The following SND1 variants were observed in gnomAD, a reference collection of about 807,000 sequenced individuals.
SND1 encodes staphylococcal nuclease and tudor domain containing 1.
A neutral mutation model predicts 121.7 loss-of-function variants in SND1; 38 were observed. That is an observed-to-expected ratio of 0.31 (90% CI 0.24 to 0.41). The LOEUF is 0.41. SND1 is among the 10% of genes least tolerant of loss of function. The probability of loss-of-function intolerance (pLI) is 1.00; values close to 1 mark genes in which losing one functional copy is unlikely to be tolerated. For synonymous variants in SND1, 401 were observed against 447.4 expected, an observed-to-expected ratio of 0.90 and a Z score of 1.31; for missense variants, 868 against 1,184.6, an observed-to-expected ratio of 0.73 and a Z score of 3.92.
At chr7:127,780,343 C>T (rs150298806) in intron 10 of SND1, among the ~76,000 whole-genome samples, 83 of 152,302 alleles carry the variant, frequency 5.4e-4, no homozygotes, top group African/African-American at 1.9e-3. Flanking sequence ...TAAGTGGGAT[C>T]TTCTTTGGAG....
chr7:127,855,755 A>T (rs1799262778), intron 12 of SND1, among the ~76,000 whole-genome samples: 1 of 152,088 alleles, frequency 6.6e-6, no homozygotes, highest in African/African-American at 2.4e-5. Context: ...TCTCTCTCAC[A>T]TGTCCAGCTA....
chr7:128,009,712 T>C (rs958888191), intron 16 of SND1, among the ~76,000 whole-genome samples: 1 of 152,204 alleles, frequency 6.6e-6, no homozygotes, highest in African/African-American at 2.4e-5. Flanking sequence ...TAGGTTTGCA[T>C]TGTGTTCTTC....
At chr7:127,902,601 A>G (rs1800255726) in intron 13 of SND1, among the ~76,000 whole-genome samples, 1 of 152,228 alleles carries the variant, frequency 6.6e-6, no homozygotes, top group South Asian at 2.1e-4. Context: ...GCAAATCCCA[A>G]AGGGTGAGTG....
At chr7:127,928,538 G>A (rs1245189701) in intron 14 of SND1, among the ~76,000 whole-genome samples, 1 of 149,730 alleles carries the variant, frequency 6.7e-6, no homozygotes, top group Non-Finnish European at 1.5e-5. Context: ...AATATTAAAG[G>A]TTAAATGGAA....
chr7:127,714,015 G>C (rs1255069417), intron 9 of SND1, among the ~76,000 whole-genome samples: 1 of 151,866 alleles, frequency 6.6e-6, no homozygotes, highest in Non-Finnish European at 1.5e-5. Context: ...ACGTGGCTTG[G>C]CTTCCCTGTT....
In SND1 at chr7:127,930,090, G is replaced by A. The variant is rs537903682; in HGVS notation, c.1669+761G>A. ...TTCCAGTTGGTACTTCACAGAGACT[G>A]CAGTCTTTGAGGGAAAGCTGTCATT... On this transcript the variant is annotated intron_variant, in intron 15 of 23. Transcript: ENST00000354725. 6.6e-5 allele frequency among the ~76,000 whole-genome samples: 10 copies of A among 152,290 alleles called. No homozygotes were observed. In the South Asian group the frequency reaches 8.3e-4, roughly 13 times the overall value.
At chr7:127,751,444 TG>T (rs1428154918) in intron 10 of SND1, among the ~76,000 whole-genome samples, 5 of 152,204 alleles carry the variant, frequency 3.3e-5, no homozygotes, top group Admixed American at 3.3e-4. Flanking sequence ...CTTTTCTGCC[TG>T]TGCATTGCCC....
At chr7:127,889,669 C>T (rs1452780413) in intron 13 of SND1, among the ~76,000 whole-genome samples, 5 of 151,944 alleles carry the variant, frequency 3.3e-5, no homozygotes, top group Non-Finnish European at 7.4e-5. Context: ...CTCTCCTCCA[C>T]CTTCTCACTA....
intron 10 of SND1, among the ~76,000 whole-genome samples, chr7:127,759,570 T>C (rs890727552): frequency 5.3e-5 from 8 of 152,270 alleles, no homozygotes; most frequent in African/African-American, 1.9e-4. Context: ...TAGTAGAAAA[T>C]GGTATCTAAA....
Position 127,783,059 on chromosome 7 carries a change from G to A in SND1, c.1153-24425G>A, listed in dbSNP as rs186990248. Among the ~76,000 whole-genome samples, 182 of 152,286 alleles carry A rather than the reference G, an allele frequency of 1.2e-3. 1 individual carries two copies. The highest frequency in any genetic ancestry group is 4.3e-3 in the African/African-American group (178 of 41,542). On this transcript the variant is annotated intron_variant, in intron 10 of 23. Transcript: ENST00000354725. ...GTAAGATTCTGCACATTGGAAATTG[G>A]GGACAGATATCAATTCTGGATATAT... is the stretch of plus-strand genomic sequence containing the variant.
At chr7:127,766,771 C>CAAAAAAAAAAAAAAAAAAAA (rs59243807) in intron 10 of SND1, among the ~76,000 whole-genome samples, 2 of 33,202 alleles carry the variant, frequency 6.0e-5, no homozygotes, top group Non-Finnish European at 1.2e-4. Context: ...GACTTTGTCT[C>CAAAAAAAAAAAAAAAAAAAA]AAAAAAAAAA....
intron 10 of SND1, among the ~76,000 whole-genome samples, chr7:127,784,621 T>G (rs1014755702): frequency 1.3e-5 from 2 of 152,208 alleles, no homozygotes; most frequent in Non-Finnish European, 2.9e-5. Context: ...ACCACATTGT[T>G]CTCCCTTTTT....
intron 12 of SND1, among the ~76,000 whole-genome samples, chr7:127,865,185 A>C (rs1199053097): frequency 1.3e-5 from 2 of 151,654 alleles, no homozygotes; most frequent in African/African-American, 4.9e-5. Flanking sequence ...TATCCCTCTG[A>C]GAGCATCTAC....
intron 11 of SND1, among the ~76,000 whole-genome samples, chr7:127,843,942 G>A (rs994802494): frequency 2.6e-5 from 4 of 152,188 alleles, no homozygotes; most frequent in Non-Finnish European, 5.9e-5. Flanking sequence ...ACGAGCAGTG[G>A]TATCTCATTG....
chr7:127,921,683 T>C (rs1466063971), intron 14 of SND1, among the ~76,000 whole-genome samples: 1 of 152,194 alleles, frequency 6.6e-6, no homozygotes, highest in East Asian at 1.9e-4. Flanking sequence ...ATCATCACCA[T>C]AGTCAAGATA....
chr7:127,836,007 G>A (rs576792034), intron 11 of SND1, among the ~76,000 whole-genome samples: 8 of 152,044 alleles, frequency 5.3e-5, no homozygotes, highest in African/African-American at 1.9e-4. Flanking sequence ...TGTGGATCTC[G>A]AGTTTGTGTA....
chr7:127,732,147 TTTTG>T (rs1366896019), intron 10 of SND1, among the ~76,000 whole-genome samples: 1 of 152,128 alleles, frequency 6.6e-6, no homozygotes, highest in African/African-American at 2.4e-5. Context: ...TTCTCAAAAG[TTTTG>T]TTTGTTTCTT....
intron 10 of SND1, among the ~76,000 whole-genome samples, chr7:127,794,574 C>T (rs1226684847): frequency 6.6e-6 from 1 of 152,198 alleles, no homozygotes; most frequent in East Asian, 1.9e-4. Context: ...TCTGAATGGG[C>T]TCACCCGCTC....
At chr7:128,040,464 A>AT (rs1169853492) in intron 16 of SND1, among the ~76,000 whole-genome samples, 1 of 149,262 alleles carries the variant, frequency 6.7e-6, no homozygotes, top group African/African-American at 2.5e-5. Context: ...AAAAAAAAAA[A>AT]AAGACATGGT....
Sources: allele counts gnomAD v4.1 joint callset (sites outside exome capture counted in the v4.1 genomes callset), GRCh38; gene constraint gnomAD v4.1.1; transcripts MANE v1.5; gene names NCBI Gene and HGNC (gene_info 2026-07-23, HGNC 2026-07-21).